The following SLIT2 variants were observed in gnomAD, a reference collection of about 807,000 sequenced individuals.
SLIT2 encodes the protein slit homolog 2 protein.
SLIT2 carries 41 observed loss-of-function variants against 185.7 expected under a neutral mutation model. The observed-to-expected ratio is 0.22, with a 90% CI of 0.17 to 0.29. The LOEUF is 0.29. Ranked by LOEUF, SLIT2 falls within the 10% of genes least tolerant of loss-of-function variation. The pLI is 1.00. For missense variants in SLIT2, 1,571 were observed against 1,909.0 expected (o/e 0.82, Z 3.30); for synonymous variants, 693 against 680.2 (o/e 1.02, Z -0.29).
chr4:20,511,887 C>CT (rs1719789772), intron 11 of SLIT2, among the ~76,000 whole-genome samples: 1 of 151,558 alleles, frequency 6.6e-6, no homozygotes, highest in Non-Finnish European at 1.5e-5. Flanking sequence ...TTTTCATCAC[C>CT]TTAATACTTT....
At position 20,617,283 on chromosome 4, in the gene SLIT2, G is replaced by A; in HGVS notation, c.4136+85G>A. 3.0e-6 allele frequency: 4 copies of A among 1,321,466 alleles called. 1 individual carries two copies. The highest frequency in any genetic ancestry group is 2.3e-5 in the East Asian group (1 of 42,712). The allele number at this position is 1,321,466 out of a possible 1,614,324, so 81.9% of individuals were successfully genotyped here. On this transcript the variant is annotated intron_variant, in intron 35 of 36. Transcript: ENST00000504154. The stretch of plus-strand genomic sequence containing the variant: ...GGAAGGAAGGAAAGAAGAAGGGGAG[G>A]GGACGGGAAGGGAGGGGAGGGGAGG...
chr4:20,512,443 A>G (rs1309167368), intron 11 of SLIT2, among the ~76,000 whole-genome samples: 2 of 152,228 alleles, frequency 1.3e-5, no homozygotes, highest in Non-Finnish European at 2.9e-5. Context: ...AAATGGCAGT[A>G]TCTGCTTGGG....
intron 4 of SLIT2, among the ~76,000 whole-genome samples, chr4:20,359,776 GA>G (rs948972001): frequency 1.3e-5 from 2 of 152,044 alleles, no homozygotes; most frequent in African/African-American, 2.4e-5. Flanking sequence ...GGGAAGTAAG[GA>G]AAAAGGCAGC....
intron 18 of SLIT2, among the ~76,000 whole-genome samples, chr4:20,538,187 C>T (rs908408448): frequency 3.3e-5 from 5 of 152,164 alleles, no homozygotes; most frequent in Non-Finnish European, 5.9e-5. Context: ...GTCTTGATCT[C>T]CTGACCTCGT....
chr4:20,398,800 T>A (rs1726129233), intron 4 of SLIT2, among the ~76,000 whole-genome samples: 1 of 151,878 alleles, frequency 6.6e-6, no homozygotes, highest in Non-Finnish European at 1.5e-5. Context: ...TTCTGGAATA[T>A]TTAATTATAT....
intron 4 of SLIT2, among the ~76,000 whole-genome samples, chr4:20,448,321 A>T (rs1445846252): frequency 6.6e-6 from 1 of 151,752 alleles, no homozygotes; most frequent in Non-Finnish European, 1.5e-5. Context: ...TTTTTTTTTG[A>T]GACAGAGCCT....
intron 29 of SLIT2, among the ~76,000 whole-genome samples, chr4:20,571,836 G>A (rs748042354): frequency 6.6e-6 from 1 of 152,032 alleles, no homozygotes; most frequent in Non-Finnish European, 1.5e-5. Flanking sequence ...AACAAATAAT[G>A]ACTTACAGAA....
At chr4:20,263,216 A>G in intron 3 of SLIT2, among the ~76,000 whole-genome samples, 1 of 151,638 alleles carries the variant, frequency 6.6e-6, no homozygotes, top group East Asian at 1.9e-4. Flanking sequence ...CTTCATATAT[A>G]TTGCCATTAT....
At chr4:20,468,630 A>G (rs757283007) in intron 5 of SLIT2, among the ~76,000 whole-genome samples, 3 of 152,094 alleles carry the variant, frequency 2.0e-5, no homozygotes, top group East Asian at 1.9e-4. Flanking sequence ...TTAAAATACT[A>G]TATTAGCTTC....
intron 29 of SLIT2, among the ~76,000 whole-genome samples, chr4:20,570,201 TAA>T (rs749721260): frequency 2.8e-4 from 42 of 152,218 alleles, no homozygotes; most frequent in Non-Finnish European, 5.6e-4. Context: ...AATAGCATAT[TAA>T]GTTTCCAGTA....
chr4:20,287,439 C>T (rs1160201574), intron 4 of SLIT2, among the ~76,000 whole-genome samples: 1 of 152,176 alleles, frequency 6.6e-6, no homozygotes, highest in Admixed American at 6.5e-5. Context: ...CTGACAACAC[C>T]TCCCATCCCC....
chr4:20,598,238 AG>A, intron 32 of SLIT2, 26 bp from the exon 33 acceptor site: 1 of 1,612,302 alleles, frequency 6.2e-7, no homozygotes, highest in South Asian at 1.1e-5. Flanking sequence ...TACACATCCT[AG>A]TAATGCCAGG....
chr4:20,580,385 A>C (rs1726456413), intron 29 of SLIT2, among the ~76,000 whole-genome samples: 1 of 134,818 alleles, frequency 7.4e-6, no homozygotes, highest in South Asian at 2.4e-4. Context: ...TTTTATACTT[A>C]ATGATAGTAT....
intron 4 of SLIT2, among the ~76,000 whole-genome samples, chr4:20,323,215 C>T (rs567854777): frequency 2.0e-5 from 3 of 152,084 alleles, no homozygotes; most frequent in Non-Finnish European, 4.4e-5. Flanking sequence ...GTATTGTAAC[C>T]TTGGATATGC....
At chr4:20,556,745 AAC>A (rs1248025509) in intron 26 of SLIT2, among the ~76,000 whole-genome samples, 5 of 125,222 alleles carry the variant, frequency 4.0e-5, no homozygotes, top group Admixed American at 8.5e-5. Context: ...CAACAACAAC[AAC>A]AAAAATGTAG....
intron 4 of SLIT2, among the ~76,000 whole-genome samples, chr4:20,327,433 C>CA (rs753219057): frequency 3.3e-5 from 5 of 151,820 alleles, no homozygotes; most frequent in African/African-American, 4.8e-5. Flanking sequence ...ACAAAAATTC[C>CA]AAAAAAGTTA....
intron 9 of SLIT2, among the ~76,000 whole-genome samples, chr4:20,498,975 T>G (rs1365876064): frequency 6.6e-6 from 1 of 152,236 alleles, no homozygotes; most frequent in Non-Finnish European, 1.5e-5. Context: ...TTTTTGTTCT[T>G]TGAGAAATCT....
rs142948016 is a variant in SLIT2, at chr4:20,529,596, T to C, written c.1613+497T>C. On this transcript the variant is annotated intron_variant, in intron 16 of 36. Coordinates refer to ENST00000504154, the MANE Select transcript of SLIT2 (RefSeq NM_004787.4). ...CAAGTATTAAAGTAGAAAGGATAGCTTTTTCTGAACAATGCAAGAAAAGCT... is the reference window on the plus strand; with the variant it reads ...CAAGTATTAAAGTAGAAAGGATAGCCTTTTCTGAACAATGCAAGAAAAGCT... Among the ~76,000 whole-genome samples the C allele has an allele frequency of 7.6e-3, 1,156 of 152,300 alleles. 11 individuals are homozygous for C. The highest frequency in any genetic ancestry group is 0.013 in the Non-Finnish European group (872 of 68,018).
chr4:20,600,305 A>C (rs1156550043), intron 33 of SLIT2, among the ~76,000 whole-genome samples: 1 of 151,996 alleles, frequency 6.6e-6, no homozygotes, highest in African/African-American at 2.4e-5. Flanking sequence ...ATTATATCCA[A>C]ACAAGGACCT....
Sources: gnomAD v4.1 joint callset for allele counts (sites outside exome capture counted in the v4.1 genomes callset) on GRCh38, gnomAD v4.1.1 for gene constraint, MANE v1.5 for transcripts, NCBI Gene and HGNC (gene_info 2026-07-23, HGNC 2026-07-21) for gene names.